The following CEP350 variants were observed in gnomAD, a reference collection of about 807,000 sequenced individuals.
CEP350 encodes the protein centrosome-associated protein 350.
CEP350 carries 126 observed loss-of-function variants against 331.8 expected under a neutral mutation model. The ratio of observed to expected loss-of-function variants is 0.38; its 90% CI spans 0.33 to 0.44. The LOEUF (loss-of-function observed/expected upper bound fraction) is 0.44. Among genes scored for constraint, CEP350 ranks in the 20% least tolerant of loss-of-function variants. CEP350 has a pLI of 1.00. For synonymous variants in CEP350, 1,200 were observed against 1,259.5 expected (o/e 0.95, Z 1.00); for missense variants, 3,406 against 3,634.6 (o/e 0.94, Z 1.62).
At chr1:180,057,329 G>T (rs1657917670) in intron 25 of CEP350, among the ~76,000 whole-genome samples, 1 of 151,854 alleles carries the variant, frequency 6.6e-6, no homozygotes, top group South Asian at 2.1e-4. Flanking sequence ...TCGAGCCCCT[G>T]ACCTCAGGTG....
At position 180,034,170 on chromosome 1, in the gene CEP350, A is replaced by G. The variant is rs189521952; in HGVS notation, c.3946+88A>G. 4.2e-5 allele frequency: 57 copies of G among 1,367,824 alleles called. No individual in the cohort carries two copies. The Admixed American group carries it at 1.2e-3, about 29-fold the overall frequency. 84.7% of individuals were successfully genotyped at this position (1,367,824 alleles called of 1,614,324 possible). A position where few individuals can be genotyped will look rare whatever the true frequency, so the allele number is the denominator to read the frequency against. The stretch of plus-strand genomic sequence containing the variant: ...TCCTTTTCTTTGTTTGAGTTGAGTC[A>G]TAGAGAAATATTATTTCAAGTGAAT... On this transcript the variant is annotated intron_variant, in intron 16 of 37. Coordinates refer to ENST00000367607, the MANE Select transcript of CEP350 (RefSeq NM_014810.5).
chr1:180,021,664 A>G (rs1655333428), intron 12 of CEP350, among the ~76,000 whole-genome samples: 1 of 152,170 alleles, frequency 6.6e-6, no homozygotes, highest in African/African-American at 2.4e-5. Flanking sequence ...CAAAAAAAAA[A>G]GAAAAGAAAC....
chr1:180,011,116 CA>C (rs1468273620), intron 8 of CEP350, among the ~76,000 whole-genome samples: 6 of 151,712 alleles, frequency 4.0e-5, no homozygotes, highest in African/African-American at 1.2e-4. Flanking sequence ...TTTATTGAAA[CA>C]TTTTTTTGAA....
rs554955068 is a variant in CEP350 at position 180,032,253 on chromosome 1, A to AT, written c.3725+765dup. ...TGAGGCTCTGAGAAGACACAGATTTATTTTTTCCTTTTAAAGTAACTTTGT... is the reference window on the plus strand; with the variant it reads ...TGAGGCTCTGAGAAGACACAGATTTATTTTTTTCCTTTTAAAGTAACTTTGT... On this transcript the variant is annotated intron_variant, in intron 15 of 37. Coordinates refer to ENST00000367607, the MANE Select transcript of CEP350 (RefSeq NM_014810.5). Among the ~76,000 whole-genome samples, 1,279 of 152,128 alleles carry AT rather than the reference A, an allele frequency of 8.4e-3. 6 individuals are homozygous for AT. The highest frequency in any genetic ancestry group is 0.013 in the Non-Finnish European group (901 of 67,936).
chr1:180,069,060 T>A (rs1658723346), intron 27 of CEP350, among the ~76,000 whole-genome samples: 2 of 152,184 alleles, frequency 1.3e-5, no homozygotes, highest in Admixed American at 6.5e-5. Context: ...GGGAGTTAAA[T>A]ATACTGTTGA....
intron 1 of CEP350, among the ~76,000 whole-genome samples, chr1:179,982,013 A>T (rs1241413293): frequency 6.6e-6 from 1 of 152,182 alleles, no homozygotes; most frequent in African/African-American, 2.4e-5. Flanking sequence ...AAAAAGCCTC[A>T]AAAACTAGAA....
intron 17 of CEP350, among the ~76,000 whole-genome samples, chr1:180,039,953 C>T (rs1656648261): frequency 6.6e-6 from 1 of 152,034 alleles, no homozygotes; most frequent in African/African-American, 2.4e-5. Context: ...ATATTTCTCT[C>T]ATTAGTATTT....
At chr1:180,055,976 T>C (rs1657814497) in intron 25 of CEP350, among the ~76,000 whole-genome samples, 1 of 152,162 alleles carries the variant, frequency 6.6e-6, no homozygotes, top group African/African-American at 2.4e-5. Flanking sequence ...CTTTCTGTTA[T>C]AAAATAGAAT....
At chr1:180,090,665 G>C in intron 32 of CEP350, 49 bp from the exon 33 acceptor site, 2 of 1,480,760 alleles carry the variant, frequency 1.4e-6, no homozygotes, top group Non-Finnish European at 1.8e-6. Flanking sequence ...TTTGTTACCA[G>C]TTATTATAGT....
At chr1:180,067,532 A>C (rs1460070020) in intron 27 of CEP350, among the ~76,000 whole-genome samples, 2 of 152,136 alleles carry the variant, frequency 1.3e-5, no homozygotes, top group Non-Finnish European at 1.5e-5. Context: ...TCTACTAAAA[A>C]TACAACATTA....
rs766394886 is a variant in CEP350 at position 180,093,263 on chromosome 1, A to G, written c.7158A>G (p.Lys2386=). The change falls in exon 34 of 38, where the codon AAA becomes AAG. Residue 2386 remains lysine (K), a synonymous_variant. Coordinates refer to ENST00000367607, the MANE Select transcript of CEP350 (RefSeq NM_014810.5). ...ATTTTGAAGTGTCTTCTTTCAAGAAAGAAATTTCAGCTGAATTGTACAAAG... is the reference window on the plus strand; with the variant it reads ...ATTTTGAAGTGTCTTCTTTCAAGAAGGAAATTTCAGCTGAATTGTACAAAG... ...SEDFEVSSFK[K]EISAELYKDD... The G allele has an allele frequency of 6.2e-7, 1 of 1,600,314 alleles. No homozygotes were observed. The highest frequency in any genetic ancestry group is 8.5e-7 in the Non-Finnish European group (1 of 1,172,450).
intron 6 of CEP350, among the ~76,000 whole-genome samples, chr1:179,998,753 C>G (rs1458673924): frequency 6.6e-6 from 1 of 152,020 alleles, no homozygotes; most frequent in Non-Finnish European, 1.5e-5. Flanking sequence ...AGTCATTTTT[C>G]TCTAAAACAC....
chr1:180,110,157 T>A (rs1661394138), intron 37 of CEP350, among the ~76,000 whole-genome samples: 1 of 152,212 alleles, frequency 6.6e-6, no homozygotes, highest in Admixed American at 6.5e-5. Flanking sequence ...TTATAACAAG[T>A]GTTATTCATT....
rs376245955 is a variant in CEP350, at chr1:180,020,244, C to G, written c.2470C>G (p.Arg824Gly). ...SASQYKSKLD[R>G]IEALKATAAS... ...CAGCCAATATAAGAGTAAACTGGAT[C>G]GTATTGAAGCCTTGAAAGCAACAGC... The change falls in exon 12 of 38, where the codon CGT becomes GGT. Residue 824 changes from arginine (R) to glycine (G), a missense_variant. Physicochemically the swap from Arg to Gly is moderately radical, Grantham distance 125. This residue lies in a region of CEP350 where 1,857 missense variants were observed against 1,909.2 expected (regional missense o/e 0.97). Coordinates refer to ENST00000367607, the MANE Select transcript of CEP350 (RefSeq NM_014810.5). The G allele has an allele frequency of 1.2e-6, 2 of 1,613,978 alleles. No individual in the cohort carries two copies. The highest frequency in any genetic ancestry group is 3.3e-5 in the Admixed American group (2 of 60,024).
intron 1 of CEP350, chr1:179,968,985 G>C (rs1651228689): frequency 2.6e-6 from 2 of 757,758 alleles, no homozygotes; most frequent in Non-Finnish European, 4.8e-6. Flanking sequence ...ACCAGATCCA[G>C]GCAGCCTTCC....
chr1:180,043,320 GT>G, intron 20 of CEP350, 128 bp downstream of exon 20: 1 of 1,081,472 alleles, frequency 9.2e-7, no homozygotes, highest in Non-Finnish European at 1.3e-6. Flanking sequence ...TATGGGCATA[GT>G]CTAGTAGGGA....
In CEP350 at chr1:180,042,921, G is replaced by A. The variant is rs1024775590; in HGVS notation, c.4363-135G>A. 2 of 865,614 alleles carry A rather than the reference G, an allele frequency of 2.3e-6. 1 individual carries two copies. The highest frequency in any genetic ancestry group is 3.5e-5 in the South Asian group (2 of 57,830). 53.6% of individuals were successfully genotyped at this position (865,614 alleles called of 1,614,324 possible). A position where few individuals can be genotyped will look rare whatever the true frequency, so the allele number is the denominator to read the frequency against. Reference sequence around the variant, plus strand: ...AAAGAGGCTAAATGACTTGTCCACAGTATTTCATCTATTAGTGGCAGAATT... The same window carrying A: ...AAAGAGGCTAAATGACTTGTCCACAATATTTCATCTATTAGTGGCAGAATT... On this transcript the variant is annotated intron_variant, in intron 19 of 37. Transcript: ENST00000367607.
At position 180,020,647 on chromosome 1, in the gene CEP350, C is replaced by G. The variant is rs1247054727; in HGVS notation, c.2873C>G (p.Ser958Cys). The change falls in exon 12 of 38, where the codon TCT becomes TGT. Residue 958 changes from serine to cysteine, a missense_variant. By Grantham distance (112) the Ser-to-Cys change is moderately radical (BLOSUM62 -1). This residue lies in a region of CEP350 where 1,857 missense variants were observed against 1,909.2 expected (regional missense o/e 0.97). Transcript: ENST00000367607. ...LAQLCKRQTD[S>C]SSSDMQACSQ... ...CAGTTATGTAAAAGGCAGACTGACTCTTCTAGCTCTGATATGCAAGCCTGT... is the reference window on the plus strand; with the variant it reads ...CAGTTATGTAAAAGGCAGACTGACTGTTCTAGCTCTGATATGCAAGCCTGT... The G allele has an allele frequency of 6.2e-7, 1 of 1,613,976 alleles. No individual in the cohort carries two copies. The highest frequency in any genetic ancestry group is 1.3e-5 in the African/African-American group (1 of 75,032).
Position 180,078,737 on chromosome 1 carries a change from C to T in CEP350, c.5979+63C>T, listed in dbSNP as rs568714982. 1.8e-5 allele frequency: 25 copies of T among 1,360,530 alleles called. No individual in the cohort carries two copies. The Admixed American group carries it at 4.0e-4, about 22-fold the overall frequency. 84.3% of individuals were successfully genotyped at this position (1,360,530 alleles called of 1,614,324 possible). A position where few individuals can be genotyped will look rare whatever the true frequency, so the allele number is the denominator to read the frequency against. ...GAAAAAAAACTGAAAGGTATGTTAG[C>T]AGTTATATTATTGTAATTAATGACA... is the stretch of plus-strand genomic sequence containing the variant. On this transcript the variant is annotated intron_variant, in intron 29 of 37. Coordinates refer to ENST00000367607, the MANE Select transcript of CEP350 (RefSeq NM_014810.5).
Sources: allele counts gnomAD v4.1 joint callset (sites outside exome capture counted in the v4.1 genomes callset), GRCh38; gene constraint gnomAD v4.1.1; regional missense constraint gnomAD v4.1.1; transcripts MANE v1.5; gene names NCBI Gene and HGNC (gene_info 2026-07-23, HGNC 2026-07-21).